The following PLXNB3 variants were observed in gnomAD, a reference collection of about 807,000 sequenced individuals.
The protein encoded by PLXNB3 is plexin B3, also known as plexin-B3.
PLXNB3 carries 80 observed loss-of-function variants against 125.7 expected under a neutral mutation model. That is an observed-to-expected ratio of 0.64 (90% CI 0.53 to 0.77). The LOEUF (loss-of-function observed/expected upper bound fraction) is 0.77, where lower values mean the gene tolerates loss of function less well. PLXNB3 is among the 30% of genes least tolerant of loss of function. The pLI, the probability that PLXNB3 is intolerant of heterozygous loss-of-function variation, is 0.00. For missense variants in PLXNB3, 1,836 were observed against 1,729.3 expected (o/e 1.06, Z -1.09); for synonymous variants, 954 against 783.3 (o/e 1.22, Z -3.64).
In PLXNB3 at chrX:153,771,416, G is replaced by A. The variant is rs1557061821; in HGVS notation, c.2347+13G>A. The A allele has an allele frequency of 5.0e-6, 6 of 1,205,529 alleles. No individual in the cohort carries two copies. Among genetic ancestry groups the A allele is most frequent in the East Asian group, 5.9e-5 (2 of 33,787 alleles). ...CATGCTCTTTATGGTGAGCCTGAGG[G>A]CAGCCAGGCAGGCGGGGCAGGGTGG... On this transcript the variant is annotated intron_variant, in intron 13 of 35. Transcript: ENST00000361971.
In PLXNB3 at chrX:153,768,294, C is replaced by G; in HGVS notation, c.1132C>G (p.Pro378Ala). Reference protein sequence around the residue: ...YPCGDEHTPSPIAGRQPLEVQ... With the variant: ...YPCGDEHTPSAIAGRQPLEVQ... ...CTGTGGCGACGAGCACACCCCCAGC[C>G]CCATTGCTGGCCGCCAGCCCCTGGA... The change falls in exon 4 of 36, where the codon CCC becomes GCC. Residue 378 changes from proline to alanine, a missense_variant. Coordinates refer to ENST00000361971, the MANE Select transcript of PLXNB3 (RefSeq NM_005393.3). The G allele has an allele frequency of 3.3e-6, 4 of 1,207,435 alleles. No homozygotes were observed. Among genetic ancestry groups the G allele is most frequent in the Non-Finnish European group, 4.5e-6 (4 of 892,255 alleles).
rs1557064825 is a variant in PLXNB3, at chrX:153,777,389, G to A, written c.5100+9G>A. 3.4e-6 allele frequency: 4 copies of A among 1,188,380 alleles called. No individual in the cohort carries two copies. Among genetic ancestry groups the A allele is most frequent in the African/African-American group, 3.5e-5 (2 of 57,565 alleles). ...GTCTGCTGTCCATGAAGGTTGGTGC[G>A]GCCTGGGTGGCTGGGCCTGAGAGGA... On this transcript the variant is annotated intron_variant, in intron 30 of 35. Coordinates refer to ENST00000361971, the MANE Select transcript of PLXNB3 (RefSeq NM_005393.3).
At chrX:153,771,815 T>C (rs782788404) in intron 14 of PLXNB3, 49 bp from the exon 15 acceptor site, 1 of 1,179,930 alleles carries the variant, frequency 8.5e-7, no homozygotes. Context: ...CACTGCAGAG[T>C]GGAGCGTGGG....
At position 153,779,043 on chromosome X, in the gene PLXNB3, C is replaced by G. The variant is rs782258552; in HGVS notation, c.*4C>G. On this transcript the variant is annotated 3_prime_UTR_variant, in exon 36 of 36. Coordinates refer to ENST00000361971, the MANE Select transcript of PLXNB3 (RefSeq NM_005393.3). ...AAACAAAGTGACTGACCTGTGAGCTCTGGCTCAGACAGCAGCAAGCCGGAT... is the reference window on the plus strand; with the variant it reads ...AAACAAAGTGACTGACCTGTGAGCTGTGGCTCAGACAGCAGCAAGCCGGAT... 1.2e-5 allele frequency: 14 copies of G among 1,142,814 alleles called. No homozygotes were observed. The South Asian group carries it at 2.6e-4, about 21-fold the overall frequency. The allele number at this position is 1,142,814 out of a possible 1,213,427, so 94.2% of individuals were successfully genotyped here. A position where few individuals can be genotyped will look rare whatever the true frequency, so the allele number is the denominator to read the frequency against.
At position 153,768,441 on chromosome X, in the gene PLXNB3, C is replaced by T; in HGVS notation, c.1266+13C>T. On this transcript the variant is annotated intron_variant, in intron 4 of 35. Transcript: ENST00000361971. ...CCAGCTGTACAAGGTGAGGGCCCGG[C>T]CTTGCTGTCCGGCTGGGTGTGCCCC... is the stretch of plus-strand genomic sequence containing the variant. The T allele has an allele frequency of 8.5e-7, 1 of 1,180,314 alleles. No homozygotes were observed. Among genetic ancestry groups the T allele is most frequent in the Non-Finnish European group, 1.1e-6 (1 of 873,915 alleles).
chrX:153,766,302 G>A, intron 2 of PLXNB3: 1 of 1,163,001 alleles, frequency 8.6e-7, no homozygotes, highest in Non-Finnish European at 1.1e-6. Context: ...GTTCCTCCTT[G>A]CAGCCGGCCC....
chrX:153,772,055 C>T, intron 15 of PLXNB3, 40 bp downstream of exon 15: 1 of 1,161,528 alleles, frequency 8.6e-7, no homozygotes, highest in Non-Finnish European at 1.2e-6. Context: ...GGGAGGCCCT[C>T]AGAGATGGCC....
rs1557064612 is a variant in PLXNB3 at position 153,776,974 on chromosome X, G to A, written c.4921G>A (p.Gly1641Arg). ...GAGCCTGGCCCAGAGGTGCCCCTTG[G>A]GAGAGAGTGAGTCCCTCGGCCCTGA... ...SQSLAQRCPL[G>R]ENIPTLEDGE... Residue 1641 changes from glycine (G) to arginine (R), a missense_variant, in exon 29 of 36, where the codon GGA (glycine) becomes AGA (arginine). Coordinates refer to ENST00000361971, the MANE Select transcript of PLXNB3 (RefSeq NM_005393.3). The A allele has an allele frequency of 8.5e-7, 1 of 1,171,761 alleles. No individual in the cohort carries two copies. Among genetic ancestry groups the A allele is most frequent in the Non-Finnish European group, 1.2e-6 (1 of 867,413 alleles).
In PLXNB3 at chrX:153,769,833, G is replaced by T; in HGVS notation, c.1523G>T (p.Arg508Leu). 2 of 1,204,294 alleles carry T rather than the reference G, an allele frequency of 1.7e-6. No individual in the cohort carries two copies. The highest frequency in any genetic ancestry group is 1.1e-6 in the Non-Finnish European group (1 of 892,741). ...GRCTRKGQCG[R>L]AGQLNQWLWS... is the part of the protein sequence containing the mutation. The stretch of plus-strand genomic sequence containing the variant: ...TGTACCCGGAAGGGCCAGTGCGGGC[G>T]GGCAGGCCAGCTGAACCAGTGGCTG... The change falls in exon 7 of 36, where the codon CGG becomes CTG. Residue 508 changes from arginine (R) to leucine (L), a missense_variant. Transcript: ENST00000361971.
rs782468929 is a variant in PLXNB3, at chrX:153,767,418, G to A, written c.591G>A (p.Ser197=). The A allele has an allele frequency of 4.1e-5, 49 of 1,184,518 alleles. No individual in the cohort carries two copies. The highest frequency in any genetic ancestry group is 6.1e-5 in the East Asian group (2 of 33,055). ...CCAGAGGCCTGGCGGGCAAGCTGTC[G>A]GCAGGGGTGCCACCCCTGGCCATCC... is the stretch of plus-strand genomic sequence containing the variant. ...LVARGLAGKL[S]AGVPPLAIRQ... Residue 197 remains serine (S), a synonymous_variant, in exon 3 of 36, where the codon TCG becomes TCA. Transcript: ENST00000361971.
At position 153,770,963 on chromosome X, in the gene PLXNB3, A is replaced by G; in HGVS notation, c.2137-2A>G. The G allele has an allele frequency of 8.3e-7, 1 of 1,209,948 alleles. No individual in the cohort carries two copies. The highest frequency in any genetic ancestry group is 1.1e-6 in the Non-Finnish European group (1 of 894,727). On this transcript the variant is annotated splice_acceptor_variant, in intron 11 of 35. Coordinates refer to ENST00000361971, the MANE Select transcript of PLXNB3 (RefSeq NM_005393.3). LOFTEE classifies it high-confidence loss of function. The stretch of plus-strand genomic sequence containing the variant: ...CACACTCCTGACAGCGTCCTTCCCC[A>G]GGGCCTGCCTGCCTCCTTCCACTGC...
rs782308880 is a variant in PLXNB3 at position 153,773,503 on chromosome X, G to A, written c.3084-15G>A. On this transcript the variant is annotated splice_polypyrimidine_tract_variant and intron_variant, in intron 18 of 35. Transcript: ENST00000361971. The stretch of plus-strand genomic sequence containing the variant: ...GCCCACCGCCCGCCCACACCCGACT[G>A]CCATCCTGGTACAGGGGTGGGCGAC... 2.2e-5 allele frequency: 26 copies of A among 1,188,483 alleles called. No homozygotes were observed. Among genetic ancestry groups the A allele is most frequent in the Non-Finnish European group, 1.4e-5 (12 of 882,022 alleles).
Position 153,765,477 on chromosome X carries a change from G to A in PLXNB3, c.-59G>A. 4 of 1,149,110 alleles carry A rather than the reference G, an allele frequency of 3.5e-6. No homozygotes were observed. The highest frequency in any genetic ancestry group is 3.6e-5 in the African/African-American group (2 of 56,139). The allele number at this position is 1,149,110 out of a possible 1,213,427, so 94.7% of individuals were successfully genotyped here. A position where few individuals can be genotyped will look rare whatever the true frequency, so the allele number is the denominator to read the frequency against. ...CTGTCTCCCTCCCACTCAGGACAAT[G>A]CCCCCCCGCAGCCATCTCATGCCCA... is the stretch of plus-strand genomic sequence containing the variant. On this transcript the variant is annotated 5_prime_UTR_variant, in exon 2 of 36. The change abolishes an upstream ATG in the 5' untranslated region. Transcript: ENST00000361971.
chrX:153,774,939 C>T lies in PLXNB3; in HGVS notation c.3991C>T (p.Leu1331=). 1 of 1,190,780 alleles carries T rather than the reference C, an allele frequency of 8.4e-7. No homozygotes were observed. Among genetic ancestry groups the T allele is most frequent in the Non-Finnish European group, 1.1e-6 (1 of 883,427 alleles). ...SDLEGSGIPF[L]DYRTYAERAF... ...CCTGGAGGGCAGCGGGATCCCCTTC[C>T]TGGACTACCGCACCTACGCCGAGCG... The change falls in exon 24 of 36, where the codon CTG becomes TTG. Residue 1331 remains leucine, a synonymous_variant. Coordinates refer to ENST00000361971, the MANE Select transcript of PLXNB3 (RefSeq NM_005393.3).
chrX:153,772,046 G>A (rs781984746), intron 15 of PLXNB3, 31 bp downstream of exon 15: 2 of 1,171,991 alleles, frequency 1.7e-6, no homozygotes, highest in East Asian at 3.0e-5. Context: ...AGATGGGTGG[G>A]GAGGCCCTCA....
intron 19 of PLXNB3, 59 bp from the exon 20 acceptor site, chrX:153,773,800 A>T: frequency 8.3e-7 from 1 of 1,202,262 alleles, no homozygotes; most frequent in South Asian, 1.8e-5. Flanking sequence ...CCATGCCCCT[A>T]GCAGCGCACA....
chrX:153,769,069 C>T lies in PLXNB3; in HGVS notation c.1388C>T (p.Ala463Val), dbSNP rs2091892690. The T allele has an allele frequency of 8.3e-7, 1 of 1,209,145 alleles. No homozygotes were observed. The highest frequency in any genetic ancestry group is 1.7e-5 in the African/African-American group (1 of 57,945). Reference sequence around the variant, plus strand: ...GGCAGTCACCTCTATGTCCTGACTGCCCACCAGGTGAGGGCCATCCTGGGG... The same window carrying T: ...GGCAGTCACCTCTATGTCCTGACTGTCCACCAGGTGAGGGCCATCCTGGGG... Reference protein sequence around the residue: ...SSGSHLYVLTAHQVDRIPVAA... With the variant: ...SSGSHLYVLTVHQVDRIPVAA... Residue 463 changes from alanine to valine, a missense_variant, in exon 5 of 36, where the codon GCC becomes GTC. Ala to Val is a moderately conservative substitution (Grantham distance 64). Transcript: ENST00000361971.
At position 153,771,471 on chromosome X, in the gene PLXNB3, C is replaced by CCT; in HGVS notation, c.2348-14_2348-13dup. 8.3e-7 allele frequency: 1 copy of CCT among 1,207,182 alleles called. No homozygotes were observed. Among genetic ancestry groups the CCT allele is most frequent in the South Asian group, 1.8e-5 (1 of 56,435 alleles). On this transcript the variant is annotated splice_polypyrimidine_tract_variant and intron_variant, in intron 13 of 35. Transcript: ENST00000361971. Reference sequence around the variant, plus strand: ...CAGACAGGAGGCGCTCAGCACACTGCCTGACCCTCCCTAGTGATCCTGTAC... The same window carrying CCT: ...CAGACAGGAGGCGCTCAGCACACTGCCTCTGACCCTCCCTAGTGATCCTGTAC...
At chrX:153,765,681 C>T in intron 2 of PLXNB3, 101 bp downstream of exon 2, 1 of 1,157,782 alleles carries the variant, frequency 8.6e-7, no homozygotes, top group Non-Finnish European at 1.2e-6. Flanking sequence ...TGCAGCCTCC[C>T]TCATGGCAGA....
Sources: allele counts gnomAD v4.1 joint callset, GRCh38; gene constraint gnomAD v4.1.1; transcripts MANE v1.5; gene names NCBI Gene and HGNC (gene_info 2026-07-23, HGNC 2026-07-21).